Variants in FOXP1 observed in about 807,000 individuals in gnomAD.
FOXP1 encodes the protein forkhead box protein P1.
In FOXP1, 15 loss-of-function variants were observed where a neutral mutation model predicts 98.2. The ratio of observed to expected loss-of-function variants is 0.15; its 90% CI spans 0.10 to 0.24. The LOEUF (loss-of-function observed/expected upper bound fraction) is 0.24. Ranked by LOEUF, FOXP1 falls within the 10% of genes least tolerant of loss-of-function variation. FOXP1 has a pLI of 1.00. For synonymous variants in FOXP1, 371 were observed against 314.5 expected, an observed-to-expected ratio of 1.18 and a Z score of -1.90; for missense variants, 633 against 848.5, an observed-to-expected ratio of 0.75 and a Z score of 3.15.
rs13064005 is a variant in FOXP1 at position 71,176,588 on chromosome 3, C to T, written c.180+21614G>A. 8.2e-3 allele frequency among the ~76,000 whole-genome samples: 1,241 copies of T among 152,040 alleles called. 17 individuals are homozygous for T. Among genetic ancestry groups the T allele is most frequent in the Middle Eastern group, 0.017 (5 of 292 alleles). On this transcript the variant is annotated intron_variant, in intron 6 of 20. Coordinates refer to ENST00000649528, the MANE Select transcript of FOXP1 (RefSeq NM_001349338.3). ...CTGCTATTTCTGGATAAAACAAAGGCCTGCTGGCTGGGCCTGGTGGCATGT... is the reference window on the plus strand; with the variant it reads ...CTGCTATTTCTGGATAAAACAAAGGTCTGCTGGCTGGGCCTGGTGGCATGT...
chr3:71,181,293 C>T (rs2062276404), intron 6 of FOXP1, among the ~76,000 whole-genome samples: 2 of 152,178 alleles, frequency 1.3e-5, no homozygotes, highest in African/African-American at 4.8e-5. Flanking sequence ...CATGGCTTTT[C>T]CCAGTCTTCA....
intron 2 of FOXP1, among the ~76,000 whole-genome samples, chr3:71,566,403 G>C (rs1191984953): frequency 1.3e-5 from 2 of 152,138 alleles, no homozygotes; most frequent in Admixed American, 1.3e-4. Flanking sequence ...ACCTTGCCAG[G>C]GAAAAATAAT....
intron 3 of FOXP1, among the ~76,000 whole-genome samples, chr3:71,484,579 C>A (rs1408996879): frequency 6.6e-6 from 1 of 152,114 alleles, no homozygotes; most frequent in Non-Finnish European, 1.5e-5. Context: ...CTTTTCACAG[C>A]CAATAGTGTG....
chr3:71,285,052 A>T (rs1161215728), intron 5 of FOXP1, among the ~76,000 whole-genome samples: 1 of 152,228 alleles, frequency 6.6e-6, no homozygotes, highest in Non-Finnish European at 1.5e-5. Context: ...TAATGAAATT[A>T]TATGACCCTT....
At chr3:71,495,107 T>C (rs1333325981) in intron 2 of FOXP1, among the ~76,000 whole-genome samples, 1 of 152,190 alleles carries the variant, frequency 6.6e-6, no homozygotes, top group Admixed American at 6.5e-5. Flanking sequence ...TCAATGTAGA[T>C]ACAGTGGTCC....
intron 7 of FOXP1, among the ~76,000 whole-genome samples, chr3:71,110,358 G>GT (rs1448584610): frequency 6.6e-6 from 1 of 152,116 alleles, no homozygotes; most frequent in African/African-American, 2.4e-5. Flanking sequence ...GTATGTGTGT[G>GT]TTTTTTTATT....
intron 6 of FOXP1, among the ~76,000 whole-genome samples, chr3:71,126,885 AAAAAC>A (rs1236773247): frequency 2.0e-5 from 2 of 99,658 alleles, no homozygotes; most frequent in Non-Finnish European, 4.9e-5. Flanking sequence ...AAAAAAAAAC[AAAAAC>A]AAAAAAAAAA....
intron 7 of FOXP1, among the ~76,000 whole-genome samples, chr3:71,088,802 G>A (rs542270868): frequency 2.2e-4 from 34 of 152,268 alleles, no homozygotes; most frequent in African/African-American, 7.7e-4. Context: ...AGGGGGAAAC[G>A]CTGGAGGAAA....
chr3:70,970,575 C>T lies in FOXP1; in HGVS notation c.1722+161G>A, dbSNP rs954877552. On this transcript the variant is annotated intron_variant, in intron 19 of 20. Coordinates refer to ENST00000649528, the MANE Select transcript of FOXP1 (RefSeq NM_001349338.3). ...GCATCCCGCTAACGCTGAAGCAGCC[C>T]GATGTGTTTGCCTCCAGGGAGTATG... 8.2e-5 allele frequency: 58 copies of T among 706,074 alleles called. No individual in the cohort carries two copies. In the East Asian group the frequency reaches 1.2e-3, roughly 14 times the overall value. 43.7% of individuals were successfully genotyped at this position (706,074 alleles called of 1,614,324 possible).
In FOXP1 at chr3:71,114,214, C is replaced by T. The variant is rs535484120; in HGVS notation, c.181-1577G>A. Among the ~76,000 whole-genome samples, 4 of 152,230 alleles carry T rather than the reference C, an allele frequency of 2.6e-5. No homozygotes were observed. In the South Asian group the frequency reaches 6.2e-4, roughly 24 times the overall value. ...TGTGTTCCTTAAAAAGGAACAGGTGCTTCATTTACATAAGAAAACAACATG... is the reference window on the plus strand; with the variant it reads ...TGTGTTCCTTAAAAAGGAACAGGTGTTTCATTTACATAAGAAAACAACATG... On this transcript the variant is annotated intron_variant, in intron 6 of 20. Coordinates refer to ENST00000649528, the MANE Select transcript of FOXP1 (RefSeq NM_001349338.3).
chr3:70,980,169 G>A (rs2107367223), intron 14 of FOXP1, among the ~76,000 whole-genome samples: 1 of 152,226 alleles, frequency 6.6e-6, no homozygotes, highest in South Asian at 2.1e-4. Context: ...GCAGGATGGG[G>A]CAGAGCTGAG....
chr3:70,967,687 G>GTTTTTTTTTT (rs67711426), intron 19 of FOXP1, among the ~76,000 whole-genome samples: 365 of 60,880 alleles, frequency 6.0e-3, no homozygotes, highest in Non-Finnish European at 7.9e-3. Flanking sequence ...ACTATTATTT[G>GTTTTTTTTTT]TTTTTTTTTT....
At chr3:71,252,121 GA>G (rs796481744) in intron 5 of FOXP1, among the ~76,000 whole-genome samples, 5 of 68,572 alleles carry the variant, frequency 7.3e-5, no homozygotes, top group African/African-American at 4.1e-4. Context: ...GACACTAAGA[GA>G]TCTCTTTCTC....
chr3:71,554,265 G>T (rs570743914), intron 2 of FOXP1, among the ~76,000 whole-genome samples: 15 of 152,270 alleles, frequency 9.9e-5, no homozygotes, highest in Non-Finnish European at 2.2e-4. Context: ...GAGGCAAGAG[G>T]ATAGCTTGAG....
In FOXP1 at chr3:71,583,591, G is replaced by A. The variant is rs2048366012; in HGVS notation, c.-467C>T. 3 of 984,094 alleles carry A rather than the reference G, an allele frequency of 3.0e-6. No homozygotes were observed. In the South Asian group the frequency reaches 1.4e-4, roughly 46 times the overall value. 61.0% of individuals were successfully genotyped at this position (984,094 alleles called of 1,614,324 possible). A position where few individuals can be genotyped will look rare whatever the true frequency, so the allele number is the denominator to read the frequency against. On this transcript the variant is annotated 5_prime_UTR_variant, in exon 1 of 21. Transcript: ENST00000649528. ...CTCACCCGCTGCAAATGGTCTCTCG[G>A]TGCAAACTAAGGTGTTTTCGGGCCT...
intron 7 of FOXP1, among the ~76,000 whole-genome samples, chr3:71,079,149 G>A (rs935241180): frequency 5.9e-5 from 9 of 152,158 alleles, no homozygotes; most frequent in South Asian, 2.1e-4. Context: ...AATAGAGTGC[G>A]CAGAAATGAG....
chr3:71,392,704 G>T (rs571145854), intron 3 of FOXP1, among the ~76,000 whole-genome samples: 1 of 152,262 alleles, frequency 6.6e-6, no homozygotes, highest in South Asian at 2.1e-4. Context: ...ACTTTTCCAT[G>T]AACATATAAT....
At chr3:71,341,521 C>A (rs1577050869) in intron 4 of FOXP1, among the ~76,000 whole-genome samples, 1 of 152,202 alleles carries the variant, frequency 6.6e-6, no homozygotes, top group East Asian at 1.9e-4. Context: ...GTAATCCTAG[C>A]ACTTTGGGAG....
At chr3:71,328,256 C>T (rs1414022468) in intron 4 of FOXP1, among the ~76,000 whole-genome samples, 2 of 151,914 alleles carry the variant, frequency 1.3e-5, no homozygotes, top group South Asian at 2.1e-4. Flanking sequence ...TGGTAAAACC[C>T]CGTTTCTACC....
Sources: allele counts gnomAD v4.1 joint callset (sites outside exome capture counted in the v4.1 genomes callset), GRCh38; gene constraint gnomAD v4.1.1; transcripts MANE v1.5; gene names NCBI Gene and HGNC (gene_info 2026-07-23, HGNC 2026-07-21).